The following ATP2C2 variants were observed in gnomAD, a reference collection of about 807,000 sequenced individuals.
The protein encoded by ATP2C2 is calcium-transporting ATPase type 2C member 2.
Under a neutral mutation model 110.8 loss-of-function variants are expected in ATP2C2, and 171 were observed. The observed-to-expected ratio is 1.54, with a 90% CI of 1.36 to 1.75. The LOEUF (loss-of-function observed/expected upper bound fraction) is 1.75, where lower values mean the gene tolerates loss of function less well. ATP2C2 is among the 40% of genes most tolerant of loss of function. The pLI, the probability that ATP2C2 is intolerant of heterozygous loss-of-function variation, is 0.00. For synonymous variants in ATP2C2, 804 were observed against 508.4 expected (o/e 1.58, Z -7.82); for missense variants, 1,963 against 1,235.0 (o/e 1.59, Z -8.84).
chr16:84,432,501 A>C (rs776578942), intron 11 of ATP2C2, among the ~76,000 whole-genome samples: 4 of 150,978 alleles, frequency 2.6e-5, no homozygotes, highest in Non-Finnish European at 5.9e-5. Context: ...TTCAACTCCC[A>C]CTTAGGAGTG....
chr16:84,443,908 T>C (rs1909500230), intron 15 of ATP2C2, among the ~76,000 whole-genome samples: 1 of 152,140 alleles, frequency 6.6e-6, no homozygotes. Flanking sequence ...GTGCAGTGGC[T>C]CAAATCCCAG....
rs184842591 is a variant in ATP2C2, at chr16:84,383,221, G to A, written c.99+14507G>A. On this transcript the variant is annotated intron_variant, in intron 1 of 26. Coordinates refer to ENST00000262429, the MANE Select transcript of ATP2C2 (RefSeq NM_014861.4). ...GTCCCAAAACTGAGTGTGAATCAGT[G>A]CCAGGGAGGCCCAGCTGTGTGTCTA... 2.0e-4 allele frequency among the ~76,000 whole-genome samples: 31 copies of A among 152,334 alleles called. 1 individual carries two copies. The East Asian group carries it at 5.4e-3, about 27-fold the overall frequency.
chr16:84,408,355 C>T lies in ATP2C2; in HGVS notation c.328-50C>T, dbSNP rs377028682. 1.9e-6 allele frequency: 3 copies of T among 1,554,222 alleles called. No homozygotes were observed. In the South Asian group the frequency reaches 3.3e-5, roughly 17 times the overall value. On this transcript the variant is annotated intron_variant, in intron 3 of 26. Transcript: ENST00000262429. ...ACTTCTGCACAGTAAGAAACCCATTCTGGTCCCTGAGACTAAAGAACGTGC... is the reference window on the plus strand; with the variant it reads ...ACTTCTGCACAGTAAGAAACCCATTTTGGTCCCTGAGACTAAAGAACGTGC...
chr16:84,391,496 C>T (rs947366987), intron 1 of ATP2C2, among the ~76,000 whole-genome samples: 1 of 152,208 alleles, frequency 6.6e-6, no homozygotes, highest in African/African-American at 2.4e-5. Context: ...TGAGGTCACA[C>T]TGGAGTTGTG....
chr16:84,458,860 G>C (rs1910955594), intron 21 of ATP2C2, among the ~76,000 whole-genome samples: 1 of 152,216 alleles, frequency 6.6e-6, no homozygotes, highest in African/African-American at 2.4e-5. Context: ...TTCATGGTCT[G>C]ATTGGAGGCA....
At chr16:84,455,522 TTC>T (rs1035493738) in intron 21 of ATP2C2, among the ~76,000 whole-genome samples, 1 of 152,214 alleles carries the variant, frequency 6.6e-6, no homozygotes, top group Non-Finnish European at 1.5e-5. Context: ...AAACTATTTG[TTC>T]TGTTTCACTT....
At position 84,411,503 on chromosome 16, in the gene ATP2C2, A is replaced by G. The variant is rs563611293; in HGVS notation, c.515+738A>G. 9.9e-5 allele frequency among the ~76,000 whole-genome samples: 15 copies of G among 152,272 alleles called. No individual in the cohort carries two copies. The South Asian group carries it at 2.5e-3, about 25-fold the overall frequency. On this transcript the variant is annotated intron_variant, in intron 6 of 26. Transcript: ENST00000262429. ...GTCGCCCAGGCTGGAGTGCAGTGGC[A>G]CAATCTCAGTTCGCTGCAACCTCCG... is the stretch of plus-strand genomic sequence containing the variant.
chr16:84,439,000 C>A, intron 11 of ATP2C2, 166 bp from the exon 12 acceptor site: 1 of 1,006,110 alleles, frequency 9.9e-7, no homozygotes, highest in Non-Finnish European at 1.4e-6. Flanking sequence ...ACAGTGGGTG[C>A]TGCAGAAGGA....
intron 11 of ATP2C2, among the ~76,000 whole-genome samples, chr16:84,438,887 T>G (rs1391234640): frequency 6.6e-6 from 1 of 152,182 alleles, no homozygotes; most frequent in African/African-American, 2.4e-5. Flanking sequence ...GCAAAATACT[T>G]TTAAAGAGGC....
At chr16:84,459,615 CCTCTGCCTGGATGCTCT>C in intron 23 of ATP2C2, 1 of 1,526,862 alleles carries the variant, frequency 6.5e-7, no homozygotes, top group Non-Finnish European at 8.8e-7. Context: ...CTTTCTGCTC[CCTCTGCCTGGATGCTCT>C]CTCTGGGCAA....
chr16:84,389,195 G>A (rs1018568299), intron 1 of ATP2C2, among the ~76,000 whole-genome samples: 2 of 152,182 alleles, frequency 1.3e-5, no homozygotes, highest in African/African-American at 4.8e-5. Flanking sequence ...TCCCACATGA[G>A]CCGTTTTCTT....
At chr16:84,453,064 G>A in intron 18 of ATP2C2, 74 bp from the exon 19 acceptor site, 2 of 1,456,072 alleles carry the variant, frequency 1.4e-6, no homozygotes, top group African/African-American at 1.4e-5. Context: ...GTTCCCCATG[G>A]CCGAGGTGGG....
chr16:84,383,430 G>C (rs1413778640), intron 1 of ATP2C2, among the ~76,000 whole-genome samples: 1 of 152,230 alleles, frequency 6.6e-6, no homozygotes, highest in Non-Finnish European at 1.5e-5. Flanking sequence ...GTGATGATAA[G>C]CAGCCATGTC....
intron 2 of ATP2C2, among the ~76,000 whole-genome samples, chr16:84,399,652 AG>A (rs532020018): frequency 4.1e-4 from 62 of 152,152 alleles, no homozygotes; most frequent in Non-Finnish European, 8.1e-4. Flanking sequence ...GGTACATAGT[AG>A]GTGCATATTT....
chr16:84,431,867 G>A (rs72806617), intron 11 of ATP2C2, among the ~76,000 whole-genome samples: 10,487 of 152,184 alleles, frequency 0.069, 432 homozygotes, highest in East Asian at 0.12. Context: ...GAAGTGGGAG[G>A]TGGGAGCCCC....
chr16:84,422,299 T>G, intron 7 of ATP2C2, 91 bp from the exon 8 acceptor site: 16 of 1,435,580 alleles, frequency 1.1e-5, no homozygotes, highest in Non-Finnish European at 1.5e-5. Flanking sequence ...TGAGTTCATG[T>G]CCATGAAGGT....
At position 84,439,540 on chromosome 16, in the gene ATP2C2, A is replaced by G; in HGVS notation, c.1209+16A>G. The G allele has an allele frequency of 6.2e-7, 1 of 1,612,078 alleles. No homozygotes were observed. Among genetic ancestry groups the G allele is most frequent in the South Asian group, 1.1e-5 (1 of 91,030 alleles). ...TCGTGCCGAGGTGAGTGCCAAAGGAATTTACAAGCCTTAAGGATGCACCCA... is the reference window on the plus strand; with the variant it reads ...TCGTGCCGAGGTGAGTGCCAAAGGAGTTTACAAGCCTTAAGGATGCACCCA... On this transcript the variant is annotated intron_variant, in intron 13 of 26. Transcript: ENST00000262429.
At chr16:84,417,657 C>G (rs777932614) in intron 7 of ATP2C2, among the ~76,000 whole-genome samples, 1 of 152,186 alleles carries the variant, frequency 6.6e-6, no homozygotes, top group Non-Finnish European at 1.5e-5. Flanking sequence ...TTTGGGCAGC[C>G]AAGGCGAGTG....
chr16:84,376,356 C>T (rs1207211555), intron 1 of ATP2C2, among the ~76,000 whole-genome samples: 1 of 152,164 alleles, frequency 6.6e-6, no homozygotes, highest in South Asian at 2.1e-4. Flanking sequence ...TCTGTGATCT[C>T]TCCCTCGAGT....
Sources: allele counts gnomAD v4.1 joint callset (sites outside exome capture counted in the v4.1 genomes callset), GRCh38; gene constraint gnomAD v4.1.1; transcripts MANE v1.5; gene names NCBI Gene and HGNC (gene_info 2026-07-23, HGNC 2026-07-21).